CLSTN2: variants seen among roughly 807,000 people sequenced by gnomAD.
The protein encoded by CLSTN2 is calsyntenin-2.
CLSTN2 carries 48 observed loss-of-function variants against 101.2 expected under a neutral mutation model. The observed-to-expected ratio is 0.47, with a 90% CI of 0.38 to 0.60. CLSTN2 has a LOEUF of 0.60. CLSTN2 is among the 20% of genes least tolerant of loss of function. The pLI is 0.00. For missense variants in CLSTN2, 1,160 were observed against 1,238.2 expected (o/e 0.94, Z 0.95); for synonymous variants, 481 against 463.6 (o/e 1.04, Z -0.48).
intron 2 of CLSTN2, among the ~76,000 whole-genome samples, chr3:140,345,264 T>TTTTG (rs1241144183): frequency 1.9e-4 from 29 of 149,826 alleles, no homozygotes; most frequent in Non-Finnish European, 2.7e-4. Flanking sequence ...TTTTTTTTTT[T>TTTTG]TGAGACAGAG....
intron 2 of CLSTN2, among the ~76,000 whole-genome samples, chr3:140,315,890 C>T (rs111578553): frequency 3.9e-4 from 60 of 152,216 alleles, no homozygotes; most frequent in Admixed American, 3.3e-4. Context: ...AAAGGTGGAG[C>T]GTGTGTGGCC....
chr3:140,028,441 A>T (rs1456880346), intron 1 of CLSTN2, among the ~76,000 whole-genome samples: 1 of 152,196 alleles, frequency 6.6e-6, no homozygotes, highest in Non-Finnish European at 1.5e-5. Flanking sequence ...AACTCTTGAC[A>T]CCAGGGACTC....
chr3:140,257,776 C>T (rs1377994329), intron 2 of CLSTN2, among the ~76,000 whole-genome samples: 2 of 152,026 alleles, frequency 1.3e-5, no homozygotes, highest in Non-Finnish European at 2.9e-5. Context: ...TGTTTCTAAA[C>T]TTTGCTGATA....
intron 2 of CLSTN2, among the ~76,000 whole-genome samples, chr3:140,222,615 A>C (rs1559810661): frequency 6.6e-6 from 1 of 152,190 alleles, no homozygotes; most frequent in Non-Finnish European, 1.5e-5. Context: ...GTACCCACAA[A>C]AATTAAAAAT....
chr3:140,129,770 G>A lies in CLSTN2; in HGVS notation c.110-46181G>A, dbSNP rs1302830939. 3.3e-5 allele frequency among the ~76,000 whole-genome samples: 5 copies of A among 152,160 alleles called. No homozygotes were observed. The East Asian group carries it at 9.6e-4, about 29-fold the overall frequency. ...GCACCAGATCAGCTGGGCCTGGTGTGTTGAAGCTTGGAGCTGCCAGGAGCC... is the reference window on the plus strand; with the variant it reads ...GCACCAGATCAGCTGGGCCTGGTGTATTGAAGCTTGGAGCTGCCAGGAGCC... On this transcript the variant is annotated intron_variant, in intron 1 of 16. Coordinates refer to ENST00000458420, the MANE Select transcript of CLSTN2 (RefSeq NM_022131.3).
At chr3:140,440,862 G>A (rs1177511255) in intron 5 of CLSTN2, among the ~76,000 whole-genome samples, 2 of 152,230 alleles carry the variant, frequency 1.3e-5, no homozygotes, top group Non-Finnish European at 2.9e-5. Flanking sequence ...GGCAGGACCA[G>A]CTGCATAATT....
In CLSTN2 at chr3:140,421,119, C is replaced by G; in HGVS notation, c.638-6C>G. The stretch of plus-strand genomic sequence containing the variant: ...TGAAATGCTTTTGAACATCTCTGTT[C>G]CTCAGGCAACATCAGGAACACTGAG... On this transcript the variant is annotated splice_polypyrimidine_tract_variant and splice_region_variant and intron_variant, in intron 4 of 16. Coordinates refer to ENST00000458420, the MANE Select transcript of CLSTN2 (RefSeq NM_022131.3). 6.2e-7 allele frequency: 1 copy of G among 1,613,184 alleles called. No homozygotes were observed. Among genetic ancestry groups the G allele is most frequent in the Non-Finnish European group, 8.5e-7 (1 of 1,179,702 alleles).
At chr3:140,135,962 T>C (rs751289141) in intron 1 of CLSTN2, among the ~76,000 whole-genome samples, 1 of 152,176 alleles carries the variant, frequency 6.6e-6, no homozygotes, top group Non-Finnish European at 1.5e-5. Context: ...TTAATATGAG[T>C]AAGTCATTAT....
chr3:140,424,515 G>A (rs1252639886), intron 5 of CLSTN2, among the ~76,000 whole-genome samples: 1 of 152,166 alleles, frequency 6.6e-6, no homozygotes, highest in Non-Finnish European at 1.5e-5. Context: ...CCTCTTAACT[G>A]GAAGTTCACC....
chr3:140,150,651 G>A (rs1412874429), intron 1 of CLSTN2, among the ~76,000 whole-genome samples: 3 of 152,166 alleles, frequency 2.0e-5, no homozygotes, highest in Non-Finnish European at 4.4e-5. Flanking sequence ...AACCGGGAAA[G>A]GGCCATTCAA....
At chr3:140,275,786 A>G (rs973861722) in intron 2 of CLSTN2, among the ~76,000 whole-genome samples, 12 of 152,172 alleles carry the variant, frequency 7.9e-5, no homozygotes, top group Admixed American at 6.6e-5. Context: ...CAGCAGAGTA[A>G]CTACACAAGC....
At chr3:140,407,590 T>G (rs551904610) in intron 4 of CLSTN2, among the ~76,000 whole-genome samples, 7 of 152,338 alleles carry the variant, frequency 4.6e-5, no homozygotes, top group African/African-American at 1.7e-4. Context: ...ACTCAATAAG[T>G]GGTGCAACAA....
chr3:140,224,515 G>A (rs1357126803), intron 2 of CLSTN2, among the ~76,000 whole-genome samples: 3 of 152,264 alleles, frequency 2.0e-5, no homozygotes, highest in Admixed American at 1.3e-4. Context: ...GTTCATGTGC[G>A]TGCAGGCTTT....
chr3:140,209,056 A>G (rs1245449366), intron 2 of CLSTN2, among the ~76,000 whole-genome samples: 1 of 152,204 alleles, frequency 6.6e-6, no homozygotes, highest in African/African-American at 2.4e-5. Flanking sequence ...GCACCTTTCT[A>G]TAAGAACAAT....
chr3:140,353,756 A>G (rs941278901), intron 2 of CLSTN2, among the ~76,000 whole-genome samples: 3 of 152,210 alleles, frequency 2.0e-5, no homozygotes, highest in Non-Finnish European at 4.4e-5. Context: ...ATAATTAATG[A>G]TAATATCTAT....
chr3:140,388,395 G>A (rs753321892), intron 2 of CLSTN2, among the ~76,000 whole-genome samples: 1 of 152,204 alleles, frequency 6.6e-6, no homozygotes, highest in Non-Finnish European at 1.5e-5. Context: ...TATAAACTGT[G>A]TGTTATTTAG....
intron 2 of CLSTN2, among the ~76,000 whole-genome samples, chr3:140,290,639 G>T (rs1417390088): frequency 2.0e-5 from 3 of 152,214 alleles, no homozygotes; most frequent in Non-Finnish European, 4.4e-5. Context: ...ACAAGGAAAG[G>T]CTTTCCCTGG....
intron 5 of CLSTN2, among the ~76,000 whole-genome samples, chr3:140,446,563 C>T (rs956087687): frequency 9.9e-5 from 15 of 152,190 alleles, no homozygotes; most frequent in African/African-American, 3.4e-4. Context: ...TCAGTCCCTA[C>T]TGCATGCTAT....
intron 1 of CLSTN2, among the ~76,000 whole-genome samples, chr3:139,941,024 A>G (rs1200888727): frequency 6.6e-6 from 1 of 152,158 alleles, no homozygotes; most frequent in Non-Finnish European, 1.5e-5. Context: ...AGAAAGGCAT[A>G]CTTTTTTGTT....
Sources: allele counts gnomAD v4.1 joint callset (sites outside exome capture counted in the v4.1 genomes callset), GRCh38; gene constraint gnomAD v4.1.1; transcripts MANE v1.5; gene names NCBI Gene and HGNC (gene_info 2026-07-23, HGNC 2026-07-21).